CDK20: variants seen among roughly 807,000 people sequenced by gnomAD.
The protein encoded by CDK20 is cyclin-dependent kinase 20.
Under a neutral mutation model 38.6 loss-of-function variants are expected in CDK20, and 40 were observed. That is an observed-to-expected ratio of 1.04 (90% confidence interval 0.81 to 1.35). The LOEUF (loss-of-function observed/expected upper bound fraction) is 1.35. Among genes scored for constraint, CDK20 ranks in the 40% most tolerant of loss-of-function variants. The pLI, the probability that CDK20 is intolerant of heterozygous loss-of-function variation, is 0.00. For missense variants in CDK20, 512 were observed against 452.6 expected (o/e 1.13, Z -1.19); for synonymous variants, 209 against 185.7 (o/e 1.13, Z -1.02).
rs1460403238 is a variant in CDK20 at position 87,971,436 on chromosome 9, A to G, written c.190-101T>C. On this transcript the variant is annotated intron_variant, in intron 2 of 7. Transcript: ENST00000325303. ...TGCCCTGACAGAGGACCCTGTATCCAAAAAGACAGTAAGCAAAGAAGGTGA... is the reference window on the plus strand; with the variant it reads ...TGCCCTGACAGAGGACCCTGTATCCGAAAAGACAGTAAGCAAAGAAGGTGA... 10 of 1,058,732 alleles carry G rather than the reference A, an allele frequency of 9.4e-6. No individual in the cohort carries two copies. In the South Asian group the frequency reaches 1.3e-4, roughly 13 times the overall value. The allele number at this position is 1,058,732 out of a possible 1,614,324, so 65.6% of individuals were successfully genotyped here.
At position 87,966,469 on chromosome 9, in the gene CDK20, TTTA is replaced by T. The variant is rs1829447273; in HGVS notation, c.*990_*992del. 1 of 153,766 alleles carries T rather than the reference TTTA, an allele frequency of 6.5e-6. No individual in the cohort carries two copies. The highest frequency in any genetic ancestry group is 2.4e-5 in the African/African-American group (1 of 41,454). 9.5% of individuals were successfully genotyped at this position (153,766 alleles called of 1,614,324 possible). A position where few individuals can be genotyped will look rare whatever the true frequency, so the allele number is the denominator to read the frequency against. On this transcript the variant is annotated 3_prime_UTR_variant, in exon 8 of 8. Transcript: ENST00000325303. Reference sequence around the variant, plus strand: ...TTATCCTTGAACCACAATCATACTCTTTATTATTATACAAACTTTTAAATATTG... The same window carrying T: ...TTATCCTTGAACCACAATCATACTCTTTATTATACAAACTTTTAAATATTG...
At position 87,969,910 on chromosome 9, in the gene CDK20, G is replaced by C. The variant is rs776508570; in HGVS notation, c.573C>G (p.Gly191=). The C allele has an allele frequency of 6.3e-7, 1 of 1,579,770 alleles. No individual in the cohort carries two copies. ...CATTCAACAGCTCCCCCATGATGCA[G>C]CCCACAGACCTGTGGACACAGAGCC... ...YDQGVDLWSV[G]CIMGELLNGS... is the part of the protein sequence containing the mutation. The change falls in exon 6 of 8, where the codon GGC becomes GGG. Residue 191 remains glycine, a synonymous_variant. Transcript: ENST00000325303.
At chr9:87,971,978 C>T (rs959356783) in intron 2 of CDK20, among the ~76,000 whole-genome samples, 17 of 152,118 alleles carry the variant, frequency 1.1e-4, no homozygotes, top group South Asian at 4.1e-4. Flanking sequence ...CCAAGGTGGG[C>T]GGATGGCTTG....
intron 7 of CDK20, chr9:87,968,522 T>A (rs1199593011): frequency 6.5e-6 from 1 of 152,672 alleles, no homozygotes; most frequent in Non-Finnish European, 1.5e-5. Flanking sequence ...GTCATCGTCC[T>A]CCCAGGCCTA....
chr9:87,969,074 A>T, intron 7 of CDK20, 120 bp downstream of exon 7: 1 of 1,214,104 alleles, frequency 8.2e-7, no homozygotes, highest in Non-Finnish European at 1.2e-6. Context: ...GTGCTGGTCC[A>T]TGCCAATCAC....
chr9:87,973,653 A>G (rs1830017361), intron 2 of CDK20, among the ~76,000 whole-genome samples: 1 of 151,788 alleles, frequency 6.6e-6, no homozygotes, highest in African/African-American at 2.4e-5. Flanking sequence ...TGAGAAAAAA[A>G]GTCGGTGAAT....
chr9:87,971,265 TC>T lies in CDK20; in HGVS notation c.259del (p.Asp87IlefsTer13), dbSNP rs767199625. The T allele has an allele frequency of 3.7e-6, 6 of 1,613,928 alleles. No homozygotes were observed. In the African/African-American group the frequency reaches 4.0e-5, roughly 11 times the overall value. Reference sequence around the variant, plus strand: ...GGCATGGCGCACCACCTCGGCCAGATCCGACAGCATGAACTCAAAGGCCAGC... The same window carrying T: ...GGCATGGCGCACCACCTCGGCCAGATCGACAGCATGAACTCAAAGGCCAGC... ...FVLAFEFMLS[D>X]LAEVVRHAQR... On this transcript the variant is annotated frameshift_variant, in exon 3 of 8. Coordinates refer to ENST00000325303, the MANE Select transcript of CDK20 (RefSeq NM_001039803.3). LOFTEE classifies it high-confidence loss of function.
At chr9:87,968,090 C>CGG in intron 7 of CDK20, 1 of 161,152 alleles carries the variant, frequency 6.2e-6, no homozygotes. Context: ...CAAAAGTGTA[C>CGG]TGACCCCTGG....
In CDK20 at chr9:87,967,280, C is replaced by G. The variant is rs578032582; in HGVS notation, c.*182G>C. 11 of 716,714 alleles carry G rather than the reference C, an allele frequency of 1.5e-5. No homozygotes were observed. In the East Asian group the frequency reaches 3.0e-4, roughly 19 times the overall value. 44.4% of individuals were successfully genotyped at this position (716,714 alleles called of 1,614,324 possible). A position where few individuals can be genotyped will look rare whatever the true frequency, so the allele number is the denominator to read the frequency against. ...CTCTGCTCGACTGGATGTTCTCATA[C>G]TCTTGGCTGGGAACATGACCTCTGC... On this transcript the variant is annotated 3_prime_UTR_variant, in exon 8 of 8. Transcript: ENST00000325303.
At position 87,967,601 on chromosome 9, in the gene CDK20, G is replaced by T; in HGVS notation, c.902C>A (p.Pro301Gln). The change falls in exon 8 of 8, where the codon CCG (proline) becomes CAG (glutamine). Residue 301 changes from proline (P) to glutamine (Q), a missense_variant. Pro to Gln is a moderately conservative substitution (Grantham distance 76). Coordinates refer to ENST00000325303, the MANE Select transcript of CDK20 (RefSeq NM_001039803.3). ...AGGTCCCCCTAGACGCTGAGGAATC[G>T]GCAGCTCAGATGGATGGGCAGGCAG... ...APLPAHPSELPIPQRLGGPAP... is the reference protein window; with the variant it reads ...APLPAHPSELQIPQRLGGPAP... The T allele has an allele frequency of 7.2e-6, 11 of 1,524,260 alleles. No homozygotes were observed. Among genetic ancestry groups the T allele is most frequent in the Non-Finnish European group, 9.7e-6 (11 of 1,131,354 alleles). The allele number at this position is 1,524,260 out of a possible 1,614,324, so 94.4% of individuals were successfully genotyped here. A position where few individuals can be genotyped will look rare whatever the true frequency, so the allele number is the denominator to read the frequency against.
In CDK20 at chr9:87,967,603, C is replaced by A; in HGVS notation, c.900G>T (p.Leu300=). ...TAPLPAHPSE[L]PIPQRLGGPA... is the part of the protein sequence containing the mutation. Reference sequence around the variant, plus strand: ...GTCCCCCTAGACGCTGAGGAATCGGCAGCTCAGATGGATGGGCAGGCAGGG... The same window carrying A: ...GTCCCCCTAGACGCTGAGGAATCGGAAGCTCAGATGGATGGGCAGGCAGGG... The change falls in exon 8 of 8, where the codon CTG becomes CTT. Residue 300 remains leucine, a synonymous_variant. Transcript: ENST00000325303. The A allele has an allele frequency of 6.6e-7, 1 of 1,522,292 alleles. No homozygotes were observed. The highest frequency in any genetic ancestry group is 8.8e-7 in the Non-Finnish European group (1 of 1,130,382). The allele number at this position is 1,522,292 out of a possible 1,614,324, so 94.3% of individuals were successfully genotyped here.
chr9:87,973,367 T>C (rs2118332015), intron 2 of CDK20, among the ~76,000 whole-genome samples: 1 of 152,228 alleles, frequency 6.6e-6, no homozygotes, highest in Non-Finnish European at 1.5e-5. Flanking sequence ...CTGGAGCTGG[T>C]TTCTCTGTGT....
In CDK20 at chr9:87,966,875, C is replaced by A. The variant is rs932392288; in HGVS notation, c.*587G>T. On this transcript the variant is annotated 3_prime_UTR_variant, in exon 8 of 8. Transcript: ENST00000325303. ...GCAAAAGTGGCTATGCCTGGTGCTA[C>A]CCTCCCCATGACCCCAAAAACGAGA... The A allele has an allele frequency of 2.2e-5, 8 of 370,862 alleles. No individual in the cohort carries two copies. The highest frequency in any genetic ancestry group is 1.5e-4 in the African/African-American group (7 of 47,124). 23.0% of individuals were successfully genotyped at this position (370,862 alleles called of 1,614,324 possible).
chr9:87,973,038 T>TA (rs1325238116), intron 2 of CDK20, among the ~76,000 whole-genome samples: 1 of 152,108 alleles, frequency 6.6e-6, no homozygotes, highest in Non-Finnish European at 1.5e-5. Flanking sequence ...CACACACAAA[T>TA]ACACATTCAC....
At chr9:87,974,342 G>A in intron 1 of CDK20, 30 bp downstream of exon 1, 2 of 1,604,266 alleles carry the variant, frequency 1.2e-6, no homozygotes, top group Non-Finnish European at 1.7e-6. Context: ...GCACACCCCC[G>A]CCAGGCTGCC....
chr9:87,969,445 A>C, intron 6 of CDK20, 96 bp from the exon 7 acceptor site: 1 of 1,330,940 alleles, frequency 7.5e-7, no homozygotes, highest in Non-Finnish European at 1.0e-6. Flanking sequence ...ACACACTCAC[A>C]TGGGGGGTGC....
chr9:87,969,396 C>G, intron 6 of CDK20, 47 bp from the exon 7 acceptor site: 1 of 1,591,226 alleles, frequency 6.3e-7, no homozygotes, highest in Non-Finnish European at 8.6e-7. Context: ...AGTTCCCGAC[C>G]CTTGCCATGC....
rs750868958 is a variant in CDK20, at chr9:87,967,378, G to C, written c.*84C>G. On this transcript the variant is annotated 3_prime_UTR_variant, in exon 8 of 8. Coordinates refer to ENST00000325303, the MANE Select transcript of CDK20 (RefSeq NM_001039803.3). ...CCCACTGTGGCCATGGGGAGGCCTT[G>C]GAGGGTGAAGCCAGGCAGGTGGCAG... The C allele has an allele frequency of 1.4e-6, 2 of 1,404,632 alleles. No individual in the cohort carries two copies. The highest frequency in any genetic ancestry group is 2.5e-5 in the South Asian group (2 of 80,582). 87.0% of individuals were successfully genotyped at this position (1,404,632 alleles called of 1,614,324 possible). A position where few individuals can be genotyped will look rare whatever the true frequency, so the allele number is the denominator to read the frequency against.
chr9:87,972,462 A>G (rs1829927485), intron 2 of CDK20, among the ~76,000 whole-genome samples: 1 of 152,138 alleles, frequency 6.6e-6, no homozygotes, highest in South Asian at 2.1e-4. Flanking sequence ...TGGACCCTAG[A>G]TAGGTGCTGG....
Sources: gnomAD v4.1 joint callset for allele counts (sites outside exome capture counted in the v4.1 genomes callset) on GRCh38, gnomAD v4.1.1 for gene constraint, MANE v1.5 for transcripts, NCBI Gene and HGNC (gene_info 2026-07-23, HGNC 2026-07-21) for gene names.